Variants in MSRB3 observed in about 807,000 individuals in gnomAD.
MSRB3 encodes methionine sulfoxide reductase B3.
Under a neutral mutation model 21.0 loss-of-function variants are expected in MSRB3, and 13 were observed. That is an observed-to-expected ratio of 0.62 (90% CI 0.40 to 0.98). MSRB3 has a LOEUF of 0.98. Among genes scored for constraint, MSRB3 ranks in the 50% least tolerant of loss-of-function variants. The pLI, the probability that MSRB3 is intolerant of heterozygous loss-of-function variation, is 0.00. For synonymous variants in MSRB3, 87 were observed against 88.6 expected, an observed-to-expected ratio of 0.98 and a Z score of 0.10; for missense variants, 199 against 230.3, an observed-to-expected ratio of 0.86 and a Z score of 0.88.
intron 5 of MSRB3, among the ~76,000 whole-genome samples, chr12:65,402,738 A>G (rs925081800): frequency 1.3e-5 from 2 of 152,176 alleles, no homozygotes; most frequent in African/African-American, 2.4e-5. Flanking sequence ...GTTTTTCCCC[A>G]TCTTCGTGGA....
chr12:65,449,257 T>TTGACCTCC (rs1388430661), intron 5 of MSRB3, among the ~76,000 whole-genome samples: 1 of 151,508 alleles, frequency 6.6e-6, no homozygotes, highest in Non-Finnish European at 1.5e-5. Context: ...CAGGATGGTC[T>TTGACCTCC]TGACCTCCTG....
At chr12:65,396,732 G>T (rs1367613442) in intron 5 of MSRB3, among the ~76,000 whole-genome samples, 1 of 149,314 alleles carries the variant, frequency 6.7e-6, no homozygotes, top group Non-Finnish European at 1.5e-5. Flanking sequence ...AAGAAAGAAA[G>T]AAAGAAAGAA....
intron 4 of MSRB3, among the ~76,000 whole-genome samples, chr12:65,350,575 T>G (rs987889749): frequency 2.0e-5 from 3 of 150,794 alleles, no homozygotes; most frequent in South Asian, 4.2e-4. Context: ...CCATCTCACG[T>G]GCAGAGACAC....
intron 4 of MSRB3, among the ~76,000 whole-genome samples, chr12:65,355,186 T>C (rs1351883505): frequency 6.6e-6 from 1 of 151,904 alleles, no homozygotes; most frequent in Non-Finnish European, 1.5e-5. Context: ...TTTAGATTAA[T>C]AATTGTCAAT....
chr12:65,419,355 T>C, intron 5 of MSRB3: 1 of 754,786 alleles, frequency 1.3e-6, no homozygotes, highest in Non-Finnish European at 2.4e-6. Context: ...CTTGTAGGCC[T>C]TTTACTTCCT....
chr12:65,313,735 TAC>T (rs1184407958), intron 2 of MSRB3, among the ~76,000 whole-genome samples: 1 of 152,158 alleles, frequency 6.6e-6, no homozygotes, highest in African/African-American at 2.4e-5. Context: ...TCACCATTCT[TAC>T]CCAACATCTG....
chr12:65,310,133 T>A (rs1008468092), intron 2 of MSRB3, among the ~76,000 whole-genome samples: 33 of 152,000 alleles, frequency 2.2e-4, no homozygotes, highest in African/African-American at 5.6e-4. Flanking sequence ...ACACTTTTTT[T>A]AAAAGTAGAT....
At chr12:65,424,709 T>C (rs1236697443) in intron 5 of MSRB3, among the ~76,000 whole-genome samples, 1 of 151,754 alleles carries the variant, frequency 6.6e-6, no homozygotes, top group Non-Finnish European at 1.5e-5. Context: ...ATTTGTTAAG[T>C]TGTGTTTTGT....
chr12:65,381,643 C>T lies in MSRB3; in HGVS notation c.292+12617C>T, dbSNP rs191606660. On this transcript the variant is annotated intron_variant, in intron 5 of 6. Transcript: ENST00000308259. ...TCTTATGTCTTGATAAATTTTTCTT[C>T]GAGTCTTTTGTGTTATAGAACTATC... Among the ~76,000 whole-genome samples, 451 of 151,974 alleles carry T rather than the reference C, an allele frequency of 3.0e-3. 5 individuals are homozygous for T. Among genetic ancestry groups the T allele is most frequent in the African/African-American group, 0.01 (434 of 41,488 alleles).
chr12:65,391,662 G>A (rs1458729875), intron 5 of MSRB3, among the ~76,000 whole-genome samples: 1 of 152,174 alleles, frequency 6.6e-6, no homozygotes, highest in Non-Finnish European at 1.5e-5. Flanking sequence ...TTGTAAGTTG[G>A]TTGTTTTGAA....
At chr12:65,339,874 C>G (rs1876026613) in intron 4 of MSRB3, among the ~76,000 whole-genome samples, 1 of 152,136 alleles carries the variant, frequency 6.6e-6, no homozygotes, top group Non-Finnish European at 1.5e-5. Flanking sequence ...TTAAGGTGAT[C>G]TTTCACCTCC....
intron 4 of MSRB3, among the ~76,000 whole-genome samples, chr12:65,329,914 G>A (rs976144567): frequency 6.6e-6 from 1 of 152,052 alleles, no homozygotes; most frequent in African/African-American, 2.4e-5. Context: ...GAATTCTTAC[G>A]TATTCCTTCT....
At chr12:65,388,377 T>A (rs932984032) in intron 5 of MSRB3, among the ~76,000 whole-genome samples, 12 of 151,604 alleles carry the variant, frequency 7.9e-5, no homozygotes, top group Admixed American at 7.9e-4. Context: ...GGGAACAGGA[T>A]CCGGAGTTCA....
At chr12:65,400,283 C>T (rs1194528219) in intron 5 of MSRB3, among the ~76,000 whole-genome samples, 2 of 148,786 alleles carry the variant, frequency 1.3e-5, no homozygotes, top group Non-Finnish European at 3.0e-5. Context: ...GCCCCAATTT[C>T]AGAACCTGTT....
intron 5 of MSRB3, among the ~76,000 whole-genome samples, chr12:65,426,300 C>T (rs1322352106): frequency 1.3e-5 from 2 of 152,120 alleles, no homozygotes; most frequent in Non-Finnish European, 2.9e-5. Flanking sequence ...CTCTTCTTTA[C>T]TTCTGATGGA....
chr12:65,442,844 G>T (rs1882445397), intron 5 of MSRB3, among the ~76,000 whole-genome samples: 1 of 152,018 alleles, frequency 6.6e-6, no homozygotes, highest in Non-Finnish European at 1.5e-5. Context: ...GATGCTAAAG[G>T]TCTACAACTG....
Position 65,368,982 on chromosome 12 carries a change from T to G in MSRB3, c.264-16T>G. On this transcript the variant is annotated splice_polypyrimidine_tract_variant and intron_variant, in intron 4 of 6. Transcript: ENST00000308259. ...AAACAGTTTTTATATTGTAAAAACT[T>G]TCTTTCTCTTTGCAGGTCAGAAACC... is the stretch of plus-strand genomic sequence containing the variant. The G allele has an allele frequency of 6.6e-7, 1 of 1,512,706 alleles. No individual in the cohort carries two copies. The allele number at this position is 1,512,706 out of a possible 1,614,324, so 93.7% of individuals were successfully genotyped here.
At chr12:65,289,217 G>A (rs1219213470) in intron 1 of MSRB3, among the ~76,000 whole-genome samples, 4 of 152,174 alleles carry the variant, frequency 2.6e-5, no homozygotes, top group African/African-American at 9.7e-5. Context: ...GTTATTGGCC[G>A]GGCGTGGTGG....
Position 65,406,545 on chromosome 12 carries a change from T to C in MSRB3, c.292+37519T>C, listed in dbSNP as rs535235674. On this transcript the variant is annotated intron_variant, in intron 5 of 6. Transcript: ENST00000308259. ...TATCTACAGAGTCAATGCAATGTCTTTCAAAATCCAAATAACATTTTTCAC... is the reference window on the plus strand; with the variant it reads ...TATCTACAGAGTCAATGCAATGTCTCTCAAAATCCAAATAACATTTTTCAC... Among the ~76,000 whole-genome samples, 339 of 152,266 alleles carry C rather than the reference T, an allele frequency of 2.2e-3. 1 individual carries two copies. Among genetic ancestry groups the C allele is most frequent in the African/African-American group, 7.8e-3 (323 of 41,562 alleles).
Sources: gnomAD v4.1 joint callset for allele counts (sites outside exome capture counted in the v4.1 genomes callset) on GRCh38, gnomAD v4.1.1 for gene constraint, MANE v1.5 for transcripts, NCBI Gene and HGNC (gene_info 2026-07-23, HGNC 2026-07-21) for gene names.